CD163L1: variants seen among roughly 807,000 people sequenced by gnomAD.
The protein encoded by CD163L1 is scavenger receptor cysteine-rich type 1 protein M160.
A neutral mutation model predicts 165.4 loss-of-function variants in CD163L1; 124 were observed. The observed-to-expected ratio is 0.75, with a 90% CI of 0.65 to 0.87. The LOEUF is 0.87. Ranked by LOEUF, CD163L1 falls within the 40% of genes least tolerant of loss-of-function variation. The pLI, the probability that CD163L1 is intolerant of heterozygous loss-of-function variation, is 0.00. For missense variants in CD163L1, 1,525 were observed against 1,799.9 expected, an observed-to-expected ratio of 0.85 and a Z score of 2.76; for synonymous variants, 585 against 662.2, an observed-to-expected ratio of 0.88 and a Z score of 1.79.
chr12:7,443,654 A>G (rs1948856469), intron 1 of CD163L1, among the ~76,000 whole-genome samples: 1 of 152,218 alleles, frequency 6.6e-6, no homozygotes, highest in Non-Finnish European at 1.5e-5. Flanking sequence ...GACCTTACAT[A>G]AGTCAGTTAG....
At chr12:7,434,466 C>A (rs1321851402) in intron 2 of CD163L1, among the ~76,000 whole-genome samples, 1 of 152,010 alleles carries the variant, frequency 6.6e-6, no homozygotes, top group African/African-American at 2.4e-5. Flanking sequence ...TACTTGTAAG[C>A]CAAAATTTTG....
At chr12:7,378,822 T>C (rs1307248810) in intron 9 of CD163L1, among the ~76,000 whole-genome samples, 156 bp downstream of exon 9, 1 of 152,212 alleles carries the variant, frequency 6.6e-6, no homozygotes, top group Non-Finnish European at 1.5e-5. Flanking sequence ...TATATTTTTA[T>C]TATATACCTG....
rs779840108 is a variant in CD163L1, at chr12:7,374,846, C to G, written c.3079G>C (p.Ala1027Pro). ...TTCTGCTTACCTAAGCAGATCAAAG[C>G]ACTGCCCTCTGGAACTGCAGACAAA... Reference protein sequence around the residue: ...PYLSAVPEGSALICLEDKRLR... With the variant: ...PYLSAVPEGSPLICLEDKRLR... The change falls in exon 12 of 20, where the codon GCT (alanine) becomes CCT (proline). Residue 1027 changes from alanine to proline, a missense_variant. Coordinates refer to ENST00000313599, the MANE Select transcript of CD163L1 (RefSeq NM_174941.6). This position sits in a 1 kb window ranked among gnomAD's most constrained non-coding sequence, Gnocchi z 5.4. The G allele has an allele frequency of 9.3e-6, 15 of 1,614,060 alleles. No homozygotes were observed. Among genetic ancestry groups the G allele is most frequent in the Non-Finnish European group, 1.3e-5 (15 of 1,180,016 alleles).
At chr12:7,419,023 G>T (rs948721002) in intron 4 of CD163L1, among the ~76,000 whole-genome samples, 1 of 151,920 alleles carries the variant, frequency 6.6e-6, no homozygotes, top group Non-Finnish European at 1.5e-5. Context: ...AAATCATCCT[G>T]TGAAGCCAGT....
chr12:7,375,034 C>T, intron 11 of CD163L1, 111 bp from the exon 12 acceptor site: 1 of 1,048,470 alleles, frequency 9.5e-7, no homozygotes, highest in Non-Finnish European at 1.5e-6. Flanking sequence ...CTTTTCAAAC[C>T]CTGTCGTCTA....
At chr12:7,357,608 A>G (rs1220740840) in intron 18 of CD163L1, 122 bp from the exon 19 acceptor site, 3 of 619,560 alleles carry the variant, frequency 4.8e-6, no homozygotes, top group Non-Finnish European at 8.4e-6. Flanking sequence ...TGACTATTAC[A>G]TAAATTAAGA....
chr12:7,368,856 T>G lies in CD163L1; in HGVS notation c.4072+77A>C. On this transcript the variant is annotated intron_variant, in intron 16 of 19. Transcript: ENST00000313599. The surrounding 1 kb of genome is among the most constrained non-coding windows in gnomAD (Gnocchi z 4.3). ...AGTCCCCAGTCTTCTTTGATTATCA[T>G]AGCAGTTTCTGCCCTCCCTTGACCT... 1 of 1,490,132 alleles carries G rather than the reference T, an allele frequency of 6.7e-7. No individual in the cohort carries two copies. Among genetic ancestry groups the G allele is most frequent in the Non-Finnish European group, 9.4e-7 (1 of 1,069,056 alleles). 92.3% of individuals were successfully genotyped at this position (1,490,132 alleles called of 1,614,324 possible). A position where few individuals can be genotyped will look rare whatever the true frequency, so the allele number is the denominator to read the frequency against.
chr12:7,411,682 C>T (rs545250543), intron 4 of CD163L1, among the ~76,000 whole-genome samples: 3 of 152,216 alleles, frequency 2.0e-5, no homozygotes, highest in Non-Finnish European at 4.4e-5. Flanking sequence ...GCCTGCAGAA[C>T]CATGAACCAA....
At chr12:7,391,074 C>A (rs935774632) in intron 8 of CD163L1, among the ~76,000 whole-genome samples, 4 of 152,148 alleles carry the variant, frequency 2.6e-5, no homozygotes, top group South Asian at 2.1e-4. Context: ...CCCAGGCAAA[C>A]AGGGTCTGGA....
intron 17 of CD163L1, chr12:7,367,534 T>C (rs1023221115): frequency 4.0e-5 from 17 of 426,990 alleles, no homozygotes; most frequent in African/African-American, 3.0e-4. Flanking sequence ...TCCACTTTTA[T>C]TACCAAGTTC....
chr12:7,337,214 C>T, the CD163L1 span, among the ~76,000 whole-genome samples: 19 of 152,236 alleles, frequency 1.2e-4, no homozygotes, highest in Admixed American at 1.2e-3. Flanking sequence ...ACCATAAAAA[C>T]CCTAGAAGGA....
chr12:7,403,346 G>T (rs1369740810), intron 6 of CD163L1, among the ~76,000 whole-genome samples, 189 bp downstream of exon 6: 1 of 152,138 alleles, frequency 6.6e-6, no homozygotes, highest in Non-Finnish European at 1.5e-5. Context: ...GATTTCAGGG[G>T]AGACTGCTAG....
chr12:7,403,731 A>G lies in CD163L1; in HGVS notation c.1212T>C (p.Leu404=). The change falls in exon 6 of 20, where the codon CTT becomes CTC. Residue 404 remains leucine, a synonymous_variant. Coordinates refer to ENST00000313599, the MANE Select transcript of CD163L1 (RefSeq NM_174941.6). ...CDQNWKNEQA[L]VVCKQLGCPF... ...GACATCCTAGCTGCTTACAAACCACAAGGGCTTGTTCATTCTTCCAGTTCT... is the reference window on the plus strand; with the variant it reads ...GACATCCTAGCTGCTTACAAACCACGAGGGCTTGTTCATTCTTCCAGTTCT... The G allele has an allele frequency of 6.2e-7, 1 of 1,614,002 alleles. No individual in the cohort carries two copies. The highest frequency in any genetic ancestry group is 8.5e-7 in the Non-Finnish European group (1 of 1,179,956).
At position 7,403,863 on chromosome 12, in the gene CD163L1, G is replaced by A. The variant is rs73272432; in HGVS notation, c.1088-8C>T. 64 of 1,609,426 alleles carry A rather than the reference G, an allele frequency of 4.0e-5. No individual in the cohort carries two copies. In the African/African-American group the frequency reaches 7.9e-4, roughly 20 times the overall value. On this transcript the variant is annotated splice_region_variant and splice_polypyrimidine_tract_variant and intron_variant, in intron 5 of 19. Transcript: ENST00000313599. ...GTTCCAAATCTGCTCCATCTAGGAT[G>A]AAGTCACAGAGAAACGTCTGAATTG...
Position 7,433,755 on chromosome 12 carries a change from AAGT to A in CD163L1, c.125-64_125-62del, listed in dbSNP as rs773096271. ...AAAGATTAGAAGGCAGAAATAATAT[AAGT>A]AGGTGAGATGGATGATGATCATTTA... On this transcript the variant is annotated intron_variant, in intron 2 of 19. Coordinates refer to ENST00000313599, the MANE Select transcript of CD163L1 (RefSeq NM_174941.6). 1.0e-4 allele frequency: 129 copies of A among 1,234,272 alleles called. 1 individual carries two copies. The African/African-American group carries it at 1.8e-3, about 17-fold the overall frequency. The allele number at this position is 1,234,272 out of a possible 1,614,324, so 76.5% of individuals were successfully genotyped here. A position where few individuals can be genotyped will look rare whatever the true frequency, so the allele number is the denominator to read the frequency against.
In CD163L1 at chr12:7,440,722, G is replaced by A. The variant is rs764700483; in HGVS notation, c.124+432C>T. 2.0e-4 allele frequency among the ~76,000 whole-genome samples: 30 copies of A among 151,086 alleles called. No homozygotes were observed. In the South Asian group the frequency reaches 5.7e-3, roughly 28 times the overall value. ...GCTCACTACAACCTCCACTTCCTGGGTTCAAGCAATTCTTCCACTTCAGCC... is the reference window on the plus strand; with the variant it reads ...GCTCACTACAACCTCCACTTCCTGGATTCAAGCAATTCTTCCACTTCAGCC... On this transcript the variant is annotated intron_variant, in intron 2 of 19. Coordinates refer to ENST00000313599, the MANE Select transcript of CD163L1 (RefSeq NM_174941.6).
At chr12:7,409,715 A>G (rs776268782) in intron 4 of CD163L1, among the ~76,000 whole-genome samples, 4 of 152,188 alleles carry the variant, frequency 2.6e-5, no homozygotes, top group Non-Finnish European at 5.9e-5. Flanking sequence ...AGAAATAAGG[A>G]CTAGAACAGA....
At chr12:7,326,553 G>T in the CD163L1 span, among the ~76,000 whole-genome samples, 1 of 152,048 alleles carries the variant, frequency 6.6e-6, no homozygotes, top group African/African-American at 2.4e-5. Flanking sequence ...TCCTTCCTCC[G>T]TTGAGACCCT....
At chr12:7,346,961 T>C (rs995443259) in exon 5 of CD163L1, 1 of 152,112 alleles carries the variant, frequency 6.6e-6, no homozygotes, top group Non-Finnish European at 1.5e-5. Context: ...GCAGGAATGA[T>C]GAGGAATTAA....
Sources: allele counts gnomAD v4.1 joint callset (sites outside exome capture counted in the v4.1 genomes callset), GRCh38; gene constraint gnomAD v4.1.1; non-coding constraint Gnocchi (gnomAD v3.1); transcripts MANE v1.5; gene names NCBI Gene and HGNC (gene_info 2026-07-23, HGNC 2026-07-21).